Variants in SYTL5 observed in about 807,000 individuals in gnomAD.
SYTL5 encodes the protein synaptotagmin like 5, also known as synaptotagmin-like protein 5.
SYTL5 carries 34 observed loss-of-function variants against 55.9 expected under a neutral mutation model. The ratio of observed to expected loss-of-function variants is 0.61; its 90% CI spans 0.46 to 0.81. The LOEUF (loss-of-function observed/expected upper bound fraction) is 0.81. Ranked by LOEUF, SYTL5 falls within the 30% of genes least tolerant of loss-of-function variation. SYTL5 has a pLI of 0.00. For synonymous variants in SYTL5, 221 were observed against 188.7 expected, an observed-to-expected ratio of 1.17 and a Z score of -1.40; for missense variants, 637 against 546.7, an observed-to-expected ratio of 1.17 and a Z score of -1.65.
chrX:38,113,321 T>TA (rs777578074), intron 13 of SYTL5, among the ~76,000 whole-genome samples: 3 of 112,478 alleles, frequency 2.7e-5, no homozygotes, highest in Non-Finnish European at 5.6e-5. Flanking sequence ...ACAGCAAGCT[T>TA]ACGTGGTTTT....
the SYTL5 span, among the ~76,000 whole-genome samples, chrX:37,902,777 A>G: frequency 8.9e-6 from 1 of 112,065 alleles, no homozygotes; most frequent in African/African-American, 3.3e-5. Flanking sequence ...TGTTTCAGGG[A>G]TGGACACATG....
At position 38,054,255 on chromosome X, in the gene SYTL5, G is replaced by T. The variant is rs1215722683; in HGVS notation, c.162G>T (p.Gly54=). The T allele has an allele frequency of 1.7e-6, 2 of 1,208,993 alleles. No individual in the cohort carries two copies. The highest frequency in any genetic ancestry group is 3.5e-5 in the African/African-American group (2 of 56,965). Residue 54 remains glycine, a synonymous_variant, in exon 3 of 17, where the codon GGG becomes GGT. Transcript: ENST00000297875. Reference sequence around the variant, plus strand: ...TCTTAGAAGCAAAACGTAGAAGTGGGAAAACTCAACAAGAGGCCAGCAGAG... The same window carrying T: ...TCTTAGAAGCAAAACGTAGAAGTGGTAAAACTCAACAAGAGGCCAGCAGAG... ...NELLEAKRRS[G]KTQQEASRVC... is the part of the protein sequence containing the mutation.
At chrX:37,978,417 A>G in the SYTL5 span, among the ~76,000 whole-genome samples, 1 of 111,861 alleles carries the variant, frequency 8.9e-6, no homozygotes, top group African/African-American at 3.3e-5. Flanking sequence ...AACGGCTTAG[A>G]GCCACCTTGT....
chrX:37,932,292 G>A, the SYTL5 span, among the ~76,000 whole-genome samples: 1 of 110,858 alleles, frequency 9.0e-6, no homozygotes, highest in Admixed American at 9.6e-5. Flanking sequence ...TGATGATGGT[G>A]TAACACAGGA....
At chrX:38,035,775 G>GT (rs1935087438) in intron 2 of SYTL5, among the ~76,000 whole-genome samples, 1 of 107,871 alleles carries the variant, frequency 9.3e-6, no homozygotes. Flanking sequence ...CACGCCTGTA[G>GT]TCCCAGCTAC....
intron 1 of SYTL5, among the ~76,000 whole-genome samples, chrX:38,023,480 A>G (rs756809689): frequency 4.9e-4 from 55 of 112,079 alleles, no homozygotes; most frequent in African/African-American, 1.5e-3. Flanking sequence ...ATTCATTATC[A>G]ATATGTATTA....
At chrX:37,985,359 C>T in the SYTL5 span, among the ~76,000 whole-genome samples, 7 of 110,593 alleles carry the variant, frequency 6.3e-5, no homozygotes, top group African/African-American at 9.8e-5. Flanking sequence ...ATGTTAAAAA[C>T]AAAAATATCA....
chrX:38,036,487 G>A (rs1028460869), intron 2 of SYTL5, among the ~76,000 whole-genome samples: 1 of 111,480 alleles, frequency 9.0e-6, no homozygotes, highest in African/African-American at 3.3e-5. Flanking sequence ...ACTTTTTTGA[G>A]AATAGCATAA....
At chrX:37,914,113 C>T in the SYTL5 span, among the ~76,000 whole-genome samples, 1 of 111,666 alleles carries the variant, frequency 9.0e-6, no homozygotes, top group African/African-American at 3.3e-5. Flanking sequence ...AATAGGAACT[C>T]ATACTTTATT....
chrX:38,074,857 GCTTTGTGC>G (rs1936347385), intron 5 of SYTL5, among the ~76,000 whole-genome samples: 1 of 110,545 alleles, frequency 9.0e-6, no homozygotes, highest in Non-Finnish European at 1.9e-5. Flanking sequence ...CACCCACAAT[GCTTTGTGC>G]CTTTGCACCA....
chrX:38,083,483 C>T (rs1936588196), intron 6 of SYTL5, among the ~76,000 whole-genome samples: 1 of 111,834 alleles, frequency 8.9e-6, no homozygotes. Flanking sequence ...GGCACAATTT[C>T]ATTGAGTGCC....
the SYTL5 span, among the ~76,000 whole-genome samples, chrX:37,983,721 A>G: frequency 4.5e-5 from 5 of 112,127 alleles, no homozygotes; most frequent in African/African-American, 1.6e-4. Context: ...AACATTCTGA[A>G]TAGACCATGT....
At chrX:38,071,644 T>C (rs982100882) in intron 3 of SYTL5, among the ~76,000 whole-genome samples, 2 of 111,789 alleles carry the variant, frequency 1.8e-5, no homozygotes, top group Non-Finnish European at 3.8e-5. Context: ...ATTGCTTGCA[T>C]TGAAGATCAC....
At chrX:38,083,774 ATG>A (rs3068306) in intron 6 of SYTL5, among the ~76,000 whole-genome samples, 20,578 of 93,948 alleles carry the variant, frequency 0.22, 2,221 homozygotes, top group Non-Finnish European at 0.31. Context: ...AAATAGACTC[ATG>A]TGTGTGTGTG....
rs141498946 is a variant in SYTL5, at chrX:38,115,105, C to T, written c.1596+4623C>T. Among the ~76,000 whole-genome samples the T allele has an allele frequency of 3.6e-5, 4 of 111,718 alleles. No homozygotes were observed. In the Admixed American group the frequency reaches 3.8e-4, roughly 11 times the overall value. ...ACCATATTTTCTTTATCACTTCATC[C>T]ATTGATGGACAATTAGGTTGTTTCT... is the stretch of plus-strand genomic sequence containing the variant. On this transcript the variant is annotated intron_variant, in intron 13 of 16. Coordinates refer to ENST00000297875, the MANE Select transcript of SYTL5 (RefSeq NM_138780.3).
chrX:37,916,839 A>G, the SYTL5 span, among the ~76,000 whole-genome samples: 1 of 111,960 alleles, frequency 8.9e-6, no homozygotes, highest in African/African-American at 3.2e-5. Context: ...TTGATACATC[A>G]TCATTAACTA....
intron 1 of SYTL5, among the ~76,000 whole-genome samples, chrX:38,017,674 A>G (rs1218223865): frequency 5.5e-5 from 6 of 108,235 alleles, no homozygotes; most frequent in African/African-American, 2.0e-4. Context: ...GTAACCGGCT[A>G]TGGCTGAAAA....
At chrX:38,100,397 T>C (rs1324886920) in intron 9 of SYTL5, among the ~76,000 whole-genome samples, 1 of 111,336 alleles carries the variant, frequency 9.0e-6, no homozygotes, top group Non-Finnish European at 1.9e-5. Context: ...GAGGACCTGC[T>C]GCACATCCTT....
At chrX:37,948,242 G>A in the SYTL5 span, among the ~76,000 whole-genome samples, 2 of 110,713 alleles carry the variant, frequency 1.8e-5, no homozygotes, top group East Asian at 2.8e-4. Flanking sequence ...GAGTAGTAAA[G>A]GTTAATGACA....
Sources: allele counts gnomAD v4.1 joint callset (sites outside exome capture counted in the v4.1 genomes callset), GRCh38; gene constraint gnomAD v4.1.1; transcripts MANE v1.5; gene names NCBI Gene and HGNC (gene_info 2026-07-23, HGNC 2026-07-21).